Variants in ARID4A observed in about 807,000 individuals in gnomAD.
The protein encoded by ARID4A is AT-rich interactive domain-containing protein 4A.
In ARID4A, 39 loss-of-function variants were observed where a neutral mutation model predicts 148.6. The ratio of observed to expected loss-of-function variants is 0.26; its 90% confidence interval spans 0.20 to 0.34. The LOEUF (loss-of-function observed/expected upper bound fraction) is 0.34. ARID4A is among the 10% of genes least tolerant of loss of function. The pLI is 1.00. For missense variants in ARID4A, 1,265 were observed against 1,449.1 expected, an observed-to-expected ratio of 0.87 and a Z score of 2.06; for synonymous variants, 475 against 481.2, an observed-to-expected ratio of 0.99 and a Z score of 0.17.
chr14:58,354,490 C>G (rs1195339033), intron 17 of ARID4A, among the ~76,000 whole-genome samples: 1 of 151,854 alleles, frequency 6.6e-6, no homozygotes, highest in African/African-American at 2.4e-5. Flanking sequence ...CAAGACCAGA[C>G]CTGGCAACAT....
At chr14:58,332,906 A>G (rs1270555911) in intron 11 of ARID4A, among the ~76,000 whole-genome samples, 1 of 152,186 alleles carries the variant, frequency 6.6e-6, no homozygotes, top group African/African-American at 2.4e-5. Flanking sequence ...AATTTTATGC[A>G]GTAGAATCAT....
In ARID4A at chr14:58,371,904, C is replaced by G. The variant is rs1231118728; in HGVS notation, c.3689C>G (p.Ser1230Cys). The G allele has an allele frequency of 6.2e-7, 1 of 1,613,106 alleles. No individual in the cohort carries two copies. The change falls in exon 24 of 24, where the codon TCC (serine) becomes TGC (cysteine). Residue 1230 changes from serine (S) to cysteine (C), a missense_variant. Ser to Cys is a moderately radical substitution (Grantham distance 112). Transcript: ENST00000355431. ...KDREVSHAGA[S>C]MSSASSDTGM... Reference sequence around the variant, plus strand: ...TCCACAGTGTCTCATGCGGGAGCCTCCATGTCATCTGCTTCATCAGACACT... The same window carrying G: ...TCCACAGTGTCTCATGCGGGAGCCTGCATGTCATCTGCTTCATCAGACACT...
chr14:58,320,177 A>C (rs959928133), intron 7 of ARID4A, among the ~76,000 whole-genome samples: 16 of 151,538 alleles, frequency 1.1e-4, no homozygotes, highest in African/African-American at 3.9e-4. Context: ...CGATCTCTTG[A>C]CCTCATGATC....
Position 58,301,660 on chromosome 14 carries a change from T to A in ARID4A, c.87T>A (p.Ile29=). 6.2e-7 allele frequency: 1 copy of A among 1,613,944 alleles called. No homozygotes were observed. Residue 29 remains isoleucine, a synonymous_variant, in exon 3 of 24, where the codon ATT becomes ATA. Transcript: ENST00000355431. ...KYRGAFCEAK[I]KTVKRLVKVK... is the part of the protein sequence containing the mutation. ...GAGGTGCCTTCTGTGAGGCAAAGAT[T>A]AAGACTGTGAAAAGGCTGGTGAAAG...
intron 1 of ARID4A, among the ~76,000 whole-genome samples, chr14:58,299,154 T>G (rs1026070656): frequency 6.6e-6 from 1 of 151,344 alleles, no homozygotes; most frequent in African/African-American, 2.4e-5. Context: ...TCCCCTCCCC[T>G]CCCACACCCT....
chr14:58,359,794 T>C (rs757655220), intron 18 of ARID4A, among the ~76,000 whole-genome samples: 13 of 152,262 alleles, frequency 8.5e-5, no homozygotes, highest in African/African-American at 2.9e-4. Context: ...TGGCCGGGCA[T>C]GGTGGCTCAT....
chr14:58,347,856 A>G lies in ARID4A; in HGVS notation c.1382A>G (p.Glu461Gly), dbSNP rs1175980331. The change falls in exon 15 of 24, where the codon GAG (glutamate) becomes GGG (glycine). Residue 461 changes from glutamate (E) to glycine (G), a missense_variant. Physicochemically the swap from Glu to Gly is moderately conservative, Grantham distance 98. Transcript: ENST00000355431. ...IDSNSESERE[E>G]IELKSPRGRR... Reference sequence around the variant, plus strand: ...TCAAACAGTGAAAGTGAAAGAGAAGAGATAGAATTAAAATCTCCGAGGGTG... The same window carrying G: ...TCAAACAGTGAAAGTGAAAGAGAAGGGATAGAATTAAAATCTCCGAGGGTG... 6.2e-7 allele frequency: 1 copy of G among 1,611,710 alleles called. No individual in the cohort carries two copies. Among genetic ancestry groups the G allele is most frequent in the South Asian group, 1.1e-5 (1 of 90,754 alleles).
intron 23 of ARID4A, among the ~76,000 whole-genome samples, chr14:58,370,838 T>C (rs1306608758): frequency 1.3e-5 from 2 of 152,158 alleles, no homozygotes; most frequent in African/African-American, 4.8e-5. Flanking sequence ...CTGGAACCCC[T>C]GTTCTAAAGC....
chr14:58,319,521 CTTTTTTTTTTTTTTTT>C (rs71107934), intron 7 of ARID4A, among the ~76,000 whole-genome samples: 6 of 62,088 alleles, frequency 9.7e-5, no homozygotes, highest in East Asian at 5.1e-4. Flanking sequence ...TCTATATACT[CTTTTTTTTTTTTTTTT>C]TTTTTTTTTT....
chr14:58,303,692 CCTTA>C, intron 3 of ARID4A: 1 of 288,500 alleles, frequency 3.5e-6, no homozygotes, highest in Non-Finnish European at 7.8e-6. Flanking sequence ...GCAGCATCAG[CCTTA>C]CTTGGGAACT....
At chr14:58,337,268 A>ATATATATAT (rs1422819457) in intron 11 of ARID4A, among the ~76,000 whole-genome samples, 12 of 133,808 alleles carry the variant, frequency 9.0e-5, no homozygotes, top group Non-Finnish European at 1.3e-4. Context: ...ATATATATAT[A>ATATATATAT]ATTAAAACCG....
chr14:58,314,267 AC>A (rs2032256597), intron 5 of ARID4A, among the ~76,000 whole-genome samples: 1 of 152,214 alleles, frequency 6.6e-6, no homozygotes, highest in African/African-American at 2.4e-5. Flanking sequence ...TTTCACTCTT[AC>A]AAAAATTATA....
intron 15 of ARID4A, among the ~76,000 whole-genome samples, chr14:58,350,198 T>G (rs1232413416): frequency 2.0e-5 from 3 of 149,322 alleles, no homozygotes; most frequent in East Asian, 2.0e-4. Context: ...GGAACTTGTG[T>G]GTTAGTGCTT....
At chr14:58,323,732 G>A in intron 8 of ARID4A, 115 bp downstream of exon 8, 1 of 893,236 alleles carries the variant, frequency 1.1e-6, no homozygotes, top group Non-Finnish European at 1.7e-6. Flanking sequence ...GACTTTATTG[G>A]AGATTTTTTA....
chr14:58,311,600 G>A (rs1346045182), intron 5 of ARID4A, among the ~76,000 whole-genome samples: 1 of 152,048 alleles, frequency 6.6e-6, no homozygotes, highest in Non-Finnish European at 1.5e-5. Flanking sequence ...TATAACCAAA[G>A]AATTAAACTA....
At chr14:58,359,038 G>T (rs2035012855) in intron 17 of ARID4A, 94 bp from the exon 18 acceptor site, 1 of 1,317,170 alleles carries the variant, frequency 7.6e-7, no homozygotes, top group South Asian at 1.4e-5. Flanking sequence ...TATTTAATCT[G>T]TCTCACTGTT....
chr14:58,346,747 G>A (rs1454193687), intron 13 of ARID4A, among the ~76,000 whole-genome samples: 1 of 150,730 alleles, frequency 6.6e-6, no homozygotes, highest in African/African-American at 2.4e-5. Context: ...GGGCAACATG[G>A]CGAAACCCCA....
chr14:58,323,266 A>C (rs565361620), intron 7 of ARID4A, among the ~76,000 whole-genome samples: 54 of 152,034 alleles, frequency 3.6e-4, no homozygotes, highest in Non-Finnish European at 5.9e-4. Context: ...GCACTCATTG[A>C]TCTGGCGAAG....
chr14:58,317,316 G>C (rs1446989784), intron 5 of ARID4A, among the ~76,000 whole-genome samples: 1 of 134,798 alleles, frequency 7.4e-6, no homozygotes, highest in Non-Finnish European at 1.6e-5. Flanking sequence ...ACGGAGTCTT[G>C]CTCTGTCGTA....
Sources: gnomAD v4.1 joint callset for allele counts (sites outside exome capture counted in the v4.1 genomes callset) on GRCh38, gnomAD v4.1.1 for gene constraint, MANE v1.5 for transcripts, NCBI Gene and HGNC (gene_info 2026-07-23, HGNC 2026-07-21) for gene names.